The following RAB3IP variants were observed in gnomAD, a reference collection of about 807,000 sequenced individuals.
RAB3IP encodes rab-3A-interacting protein.
In RAB3IP, 36 loss-of-function variants were observed where a neutral mutation model predicts 59.1. The observed-to-expected ratio is 0.61, with a 90% CI of 0.47 to 0.80. The LOEUF is 0.80. Ranked by LOEUF, RAB3IP falls within the 30% of genes least tolerant of loss-of-function variation. RAB3IP has a pLI of 0.00. For synonymous variants in RAB3IP, 207 were observed against 191.2 expected (o/e 1.08, Z -0.68); for missense variants, 511 against 536.0 (o/e 0.95, Z 0.46).
Position 69,772,998 on chromosome 12 carries a change from T to C in RAB3IP, c.511-11722T>C, listed in dbSNP as rs926395188. On this transcript the variant is annotated intron_variant, in intron 3 of 10. Coordinates refer to ENST00000247833, the MANE Select transcript of RAB3IP (RefSeq NM_022456.5). ...GATAATTCTGATGGTATTGAATTCC[T>C]TCAGCTTTTGTTTTTCTGGGAAACT... Among the ~76,000 whole-genome samples the C allele has an allele frequency of 3.3e-5, 5 of 152,184 alleles. No homozygotes were observed. In the East Asian group the frequency reaches 9.6e-4, roughly 29 times the overall value.
At chr12:69,801,199 T>A (rs934804800) in intron 7 of RAB3IP, among the ~76,000 whole-genome samples, 1 of 152,226 alleles carries the variant, frequency 6.6e-6, no homozygotes, top group Non-Finnish European at 1.5e-5. Flanking sequence ...AAATACAAAT[T>A]CAGAAAATAT....
At chr12:69,808,797 G>A (rs1410025056) in intron 8 of RAB3IP, among the ~76,000 whole-genome samples, 2 of 152,136 alleles carry the variant, frequency 1.3e-5, no homozygotes, top group Non-Finnish European at 2.9e-5. Flanking sequence ...GTGTGTTTCT[G>A]CACATGAGAT....
At position 69,750,110 on chromosome 12, in the gene RAB3IP, A is replaced by G. The variant is rs141905887; in HGVS notation, c.-25-5274A>G. ...TTAAGAGCTTGGACAGTAGGGTCTA[A>G]TAACGGTAGGCTTTAATTCTGACTA... On this transcript the variant is annotated intron_variant, in intron 1 of 10. Transcript: ENST00000247833. 5.0e-3 allele frequency among the ~76,000 whole-genome samples: 759 copies of G among 152,336 alleles called. 3 individuals are homozygous for G. The highest frequency in any genetic ancestry group is 8.8e-3 in the Non-Finnish European group (597 of 68,030).
At chr12:69,796,823 A>G (rs73332097) in intron 6 of RAB3IP, among the ~76,000 whole-genome samples, 204 of 152,330 alleles carry the variant, frequency 1.3e-3, no homozygotes, top group African/African-American at 4.6e-3. Flanking sequence ...CTTACTCAGT[A>G]TGTGTAAGTA....
intron 2 of RAB3IP, 143 bp downstream of exon 2, chr12:69,755,802 CTAGAACAGGGT>C: frequency 1.5e-6 from 1 of 688,820 alleles, no homozygotes; most frequent in Non-Finnish European, 2.4e-6. Context: ...TGATAATGTT[CTAGAACAGGGT>C]TGACAAACTT....
chr12:69,743,643 T>G (rs1466015133), intron 1 of RAB3IP, among the ~76,000 whole-genome samples: 1 of 152,234 alleles, frequency 6.6e-6, no homozygotes, highest in African/African-American at 2.4e-5. Flanking sequence ...ATGACTTGCG[T>G]CAGTTCACAC....
At chr12:69,747,818 G>A (rs1487331171) in intron 1 of RAB3IP, among the ~76,000 whole-genome samples, 1 of 152,164 alleles carries the variant, frequency 6.6e-6, no homozygotes, top group Admixed American at 6.5e-5. Flanking sequence ...TGAAATAGAT[G>A]AAGATATTTG....
chr12:69,785,466 A>T (rs1035946542), intron 4 of RAB3IP, among the ~76,000 whole-genome samples: 1 of 152,206 alleles, frequency 6.6e-6, no homozygotes, highest in African/African-American at 2.4e-5. Context: ...GGCAAGTCCC[A>T]GGGAGCTGCA....
chr12:69,792,127 G>A (rs772168108), intron 4 of RAB3IP, among the ~76,000 whole-genome samples: 12 of 152,212 alleles, frequency 7.9e-5, no homozygotes, highest in Admixed American at 2.0e-4. Context: ...GAAGCACAGA[G>A]TAGATTGGTG....
At position 69,751,133 on chromosome 12, in the gene RAB3IP, A is replaced by G. The variant is rs997993310; in HGVS notation, c.-25-4251A>G. On this transcript the variant is annotated intron_variant, in intron 1 of 10. Coordinates refer to ENST00000247833, the MANE Select transcript of RAB3IP (RefSeq NM_022456.5). The stretch of plus-strand genomic sequence containing the variant: ...TCCATAGCATTGATCAGAGAAGGCC[A>G]GTGAGGTACTTTGCTTTATTTTTAG... Among the ~76,000 whole-genome samples, 55 of 152,206 alleles carry G rather than the reference A, an allele frequency of 3.6e-4. 1 individual carries two copies. The highest frequency in any genetic ancestry group is 1.3e-3 in the African/African-American group (53 of 41,448).
At position 69,821,577 on chromosome 12, in the gene RAB3IP, C is replaced by G. The variant is rs928448334; in HGVS notation, c.*6131C>G. On this transcript the variant is annotated 3_prime_UTR_variant, in exon 11 of 11. Transcript: ENST00000247833. The stretch of plus-strand genomic sequence containing the variant: ...TTGTGGGCTCCATTGTGTTTTCACA[C>G]AATGTGCTATTTGTCCTTCACAGTG... The G allele has an allele frequency of 2.6e-5, 4 of 152,236 alleles. No individual in the cohort carries two copies. The highest frequency in any genetic ancestry group is 6.5e-5 in the Admixed American group (1 of 15,276). The allele number at this position is 152,236 out of a possible 1,614,324, so 9.4% of individuals were successfully genotyped here. A position where few individuals can be genotyped will look rare whatever the true frequency, so the allele number is the denominator to read the frequency against.
At chr12:69,759,760 C>T (rs1291674283) in intron 3 of RAB3IP, among the ~76,000 whole-genome samples, 1 of 151,432 alleles carries the variant, frequency 6.6e-6, no homozygotes, top group Non-Finnish European at 1.5e-5. Context: ...CCCCCACCTC[C>T]CTCCCGGATG....
At position 69,817,517 on chromosome 12, in the gene RAB3IP, A is replaced by G. The variant is rs575224468; in HGVS notation, c.*2071A>G. The G allele has an allele frequency of 6.6e-6, 1 of 152,282 alleles. No homozygotes were observed. The highest frequency in any genetic ancestry group is 1.9e-4 in the East Asian group (1 of 5,188). The allele number at this position is 152,282 out of a possible 1,614,324, so 9.4% of individuals were successfully genotyped here. A position where few individuals can be genotyped will look rare whatever the true frequency, so the allele number is the denominator to read the frequency against. The stretch of plus-strand genomic sequence containing the variant: ...TATATTATAAATTCTTAATTTAGAA[A>G]TCGTGCATCAGTAGTTAGGCATTGT... On this transcript the variant is annotated 3_prime_UTR_variant, in exon 11 of 11. Transcript: ENST00000247833.
intron 1 of RAB3IP, among the ~76,000 whole-genome samples, chr12:69,753,302 A>G (rs1214487582): frequency 6.6e-6 from 1 of 152,170 alleles, no homozygotes; most frequent in Admixed American, 6.5e-5. Flanking sequence ...TAGTTTAACA[A>G]ATGACTACTT....
In RAB3IP at chr12:69,767,663, C is replaced by T. The variant is rs114502835; in HGVS notation, c.510+11000C>T. 3.8e-3 allele frequency among the ~76,000 whole-genome samples: 577 copies of T among 152,150 alleles called. 5 individuals carry two copies. The highest frequency in any genetic ancestry group is 0.013 in the African/African-American group (546 of 41,512). ...CCAGGTGCCTGGAGGTCTGCCTGGG[C>T]GTGGAGCAGAGAGGACCCCCCTATA... On this transcript the variant is annotated intron_variant, in intron 3 of 10. Coordinates refer to ENST00000247833, the MANE Select transcript of RAB3IP (RefSeq NM_022456.5).
chr12:69,803,917 G>C (rs1187809537), intron 8 of RAB3IP, among the ~76,000 whole-genome samples: 2 of 152,168 alleles, frequency 1.3e-5, no homozygotes, highest in Admixed American at 1.3e-4. Flanking sequence ...ATTTGGGTTG[G>C]TTCCAAGTCT....
chr12:69,746,093 C>A (rs1376314287), intron 1 of RAB3IP, among the ~76,000 whole-genome samples: 2 of 152,108 alleles, frequency 1.3e-5, no homozygotes, highest in African/African-American at 4.8e-5. Flanking sequence ...TGCCTCCATC[C>A]CCTCATTCCC....
At chr12:69,811,783 T>G (rs1416492992) in intron 8 of RAB3IP, among the ~76,000 whole-genome samples, 1 of 152,256 alleles carries the variant, frequency 6.6e-6, no homozygotes, top group Non-Finnish European at 1.5e-5. Flanking sequence ...TTATCCTGTT[T>G]CAAATACACA....
intron 6 of RAB3IP, among the ~76,000 whole-genome samples, chr12:69,799,744 A>G (rs927490444): frequency 6.6e-6 from 1 of 152,196 alleles, no homozygotes; most frequent in African/African-American, 2.4e-5. Context: ...AGCCAGTCTC[A>G]GTTTATTCAG....
Sources: gnomAD v4.1 joint callset for allele counts (sites outside exome capture counted in the v4.1 genomes callset) on GRCh38, gnomAD v4.1.1 for gene constraint, MANE v1.5 for transcripts, NCBI Gene and HGNC (gene_info 2026-07-23, HGNC 2026-07-21) for gene names.